Variants in LPP observed in about 807,000 individuals in gnomAD.
LPP encodes LIM domain containing preferred translocation partner in lipoma.
A neutral mutation model predicts 60.4 loss-of-function variants in LPP; 38 were observed. The ratio of observed to expected loss-of-function variants is 0.63; its 90% confidence interval spans 0.49 to 0.83. The LOEUF is 0.83. Among genes scored for constraint, LPP ranks in the 40% least tolerant of loss-of-function variants. The pLI, the probability that LPP is intolerant of heterozygous loss-of-function variation, is 0.00. For missense variants in LPP, 902 were observed against 783.6 expected, an observed-to-expected ratio of 1.15 and a Z score of -1.80; for synonymous variants, 328 against 290.8, an observed-to-expected ratio of 1.13 and a Z score of -1.30.
At chr3:188,328,798 T>C (rs1269771307) in intron 2 of LPP, among the ~76,000 whole-genome samples, 1 of 152,226 alleles carries the variant, frequency 6.6e-6, no homozygotes, top group Non-Finnish European at 1.5e-5. Context: ...ATATTAAAAA[T>C]ATGTCTACTT....
intron 4 of LPP, among the ~76,000 whole-genome samples, chr3:188,453,487 G>A (rs905367826): frequency 1.3e-5 from 2 of 151,978 alleles, no homozygotes; most frequent in Non-Finnish European, 2.9e-5. Context: ...TCCCAATCCG[G>A]CCAGGAAATG....
chr3:188,164,888 G>A (rs1369786999), intron 1 of LPP, among the ~76,000 whole-genome samples: 2 of 152,096 alleles, frequency 1.3e-5, no homozygotes, highest in African/African-American at 2.4e-5. Flanking sequence ...GTTACTCTGG[G>A]TTTCGACGAT....
chr3:188,541,989 G>A (rs1052837003), intron 6 of LPP, among the ~76,000 whole-genome samples: 1 of 152,084 alleles, frequency 6.6e-6, no homozygotes, highest in Admixed American at 6.6e-5. Context: ...TTGTGAAATG[G>A]CTAAATCAAA....
chr3:188,570,447 C>T (rs980789218), intron 6 of LPP, among the ~76,000 whole-genome samples: 1 of 151,932 alleles, frequency 6.6e-6, no homozygotes. Context: ...TAAAATAAAA[C>T]TCCCCATCCA....
At chr3:188,589,170 A>G (rs1838139379) in intron 6 of LPP, among the ~76,000 whole-genome samples, 1 of 151,982 alleles carries the variant, frequency 6.6e-6, no homozygotes, top group South Asian at 2.1e-4. Flanking sequence ...ATAATTTGAT[A>G]TACTTTTGAG....
At chr3:188,166,908 C>A (rs1275940462) in intron 1 of LPP, among the ~76,000 whole-genome samples, 1 of 152,196 alleles carries the variant, frequency 6.6e-6, no homozygotes, top group African/African-American at 2.4e-5. Flanking sequence ...AAAACCACCA[C>A]CACCTAATTG....
At chr3:188,854,800 T>C (rs1763438672) in intron 9 of LPP, among the ~76,000 whole-genome samples, 1 of 152,202 alleles carries the variant, frequency 6.6e-6, no homozygotes, top group Admixed American at 6.5e-5. Flanking sequence ...CTTACTGTAA[T>C]TTAGGAAGTA....
At position 188,878,875 on chromosome 3, in the gene LPP, A is replaced by C. The variant is rs1578117544; in HGVS notation, c.*4396A>C. On this transcript the variant is annotated 3_prime_UTR_variant, in exon 12 of 12. Coordinates refer to ENST00000617246, the MANE Select transcript of LPP (RefSeq NM_001375462.1). Reference sequence around the variant, plus strand: ...TCTTGGAAGTATCTCATAGGTCTTTAAATGAGTAAAACATTTTTATGCCAG... The same window carrying C: ...TCTTGGAAGTATCTCATAGGTCTTTCAATGAGTAAAACATTTTTATGCCAG... 2.3e-5 allele frequency: 5 copies of C among 219,244 alleles called. No individual in the cohort carries two copies. In the South Asian group the frequency reaches 9.3e-4, roughly 41 times the overall value. 13.6% of individuals were successfully genotyped at this position (219,244 alleles called of 1,614,324 possible).
intron 5 of LPP, among the ~76,000 whole-genome samples, chr3:188,517,961 C>A (rs939377038): frequency 6.6e-6 from 1 of 152,078 alleles, no homozygotes; most frequent in Non-Finnish European, 1.5e-5. Context: ...AAGAGTATAG[C>A]ACCTCTCCTC....
At chr3:188,839,052 G>C (rs1046143251) in intron 9 of LPP, among the ~76,000 whole-genome samples, 1 of 151,886 alleles carries the variant, frequency 6.6e-6, no homozygotes, top group African/African-American at 2.4e-5. Flanking sequence ...TTGAAGTCAG[G>C]GTATAGGAAT....
intron 8 of LPP, among the ~76,000 whole-genome samples, chr3:188,758,253 C>T (rs1332543449): frequency 8.5e-5 from 13 of 152,162 alleles, no homozygotes; most frequent in Admixed American, 1.3e-4. Context: ...CTCTGCCTCC[C>T]GGGTTCAAGC....
chr3:188,271,988 G>A lies in LPP; in HGVS notation c.-67+46461G>A, dbSNP rs554268128. ...AACCTGCACTTGGCTTTTCCTTGCT[G>A]CTTGTGGTCCCTTTCCTGGAAGCTG... On this transcript the variant is annotated intron_variant, in intron 2 of 11. Transcript: ENST00000617246. Among the ~76,000 whole-genome samples, 58 of 152,226 alleles carry A rather than the reference G, an allele frequency of 3.8e-4. 2 individuals carry two copies. In the South Asian group the frequency reaches 0.012, roughly 32 times the overall value.
At chr3:188,505,746 G>T (rs1205903144) in intron 5 of LPP, among the ~76,000 whole-genome samples, 2 of 152,076 alleles carry the variant, frequency 1.3e-5, no homozygotes, top group East Asian at 3.9e-4. Context: ...TTATTTTCTT[G>T]CCCATCATCC....
intron 9 of LPP, among the ~76,000 whole-genome samples, chr3:188,786,950 T>G (rs1035288872): frequency 6.6e-6 from 1 of 152,160 alleles, no homozygotes; most frequent in Non-Finnish European, 1.5e-5. Flanking sequence ...GGATTAGGAA[T>G]TGGGGGTTTG....
chr3:188,557,007 T>C (rs770721031), intron 6 of LPP, among the ~76,000 whole-genome samples: 1 of 152,120 alleles, frequency 6.6e-6, no homozygotes, highest in African/African-American at 2.4e-5. Context: ...CCTTTTAAAG[T>C]GATCCTGAGG....
rs957731870 is a variant in LPP, at chr3:188,886,711, G to A, written c.*12232G>A. The A allele has an allele frequency of 2.5e-5, 5 of 203,120 alleles. No homozygotes were observed. Among genetic ancestry groups the A allele is most frequent in the Admixed American group, 7.1e-5 (1 of 14,014 alleles). The allele number at this position is 203,120 out of a possible 1,614,324, so 12.6% of individuals were successfully genotyped here. On this transcript the variant is annotated 3_prime_UTR_variant, in exon 12 of 12. Transcript: ENST00000617246. Reference sequence around the variant, plus strand: ...TATTTAGGGATCATACAATTGTATTGTCTTCAAAACACACACACACACACA... The same window carrying A: ...TATTTAGGGATCATACAATTGTATTATCTTCAAAACACACACACACACACA...
intron 1 of LPP, among the ~76,000 whole-genome samples, chr3:188,191,197 T>C (rs1728077426): frequency 6.6e-6 from 1 of 152,244 alleles, no homozygotes; most frequent in Non-Finnish European, 1.5e-5. Flanking sequence ...GCCACTGCAC[T>C]CTAGCCTGGG....
At chr3:188,523,801 T>C (rs1479695524) in intron 5 of LPP, among the ~76,000 whole-genome samples, 2 of 152,228 alleles carry the variant, frequency 1.3e-5, no homozygotes, top group Non-Finnish European at 2.9e-5. Flanking sequence ...TTTTAAGAGC[T>C]TCTTCCATAT....
chr3:188,373,645 C>A (rs985700037), intron 3 of LPP, among the ~76,000 whole-genome samples: 24 of 152,052 alleles, frequency 1.6e-4, no homozygotes, highest in Admixed American at 1.6e-3. Context: ...AATTTTCTCC[C>A]ATTCTGTAGG....
Sources: gnomAD v4.1 joint callset for allele counts (sites outside exome capture counted in the v4.1 genomes callset) on GRCh38, gnomAD v4.1.1 for gene constraint, MANE v1.5 for transcripts, NCBI Gene and HGNC (gene_info 2026-07-23, HGNC 2026-07-21) for gene names.